The following STIM2 variants were observed in gnomAD, a reference collection of about 807,000 sequenced individuals.
STIM2 encodes the protein stromal interaction molecule 2.
Under a neutral mutation model 85.8 loss-of-function variants are expected in STIM2, and 31 were observed. The observed-to-expected ratio is 0.36, with a 90% CI of 0.27 to 0.49. STIM2 has a LOEUF of 0.49. Among genes scored for constraint, STIM2 ranks in the 20% least tolerant of loss-of-function variants. STIM2 has a pLI of 0.98. For synonymous variants in STIM2, 356 were observed against 331.1 expected (o/e 1.08, Z -0.82); for missense variants, 841 against 927.6 (o/e 0.91, Z 1.21).
At chr4:26,976,033 C>T (rs532011134) in intron 3 of STIM2, among the ~76,000 whole-genome samples, 209 of 152,322 alleles carry the variant, frequency 1.4e-3, no homozygotes, top group African/African-American at 4.7e-3. Context: ...AGCAAGGCTT[C>T]GTGGGTGTGG....
At chr4:26,976,627 A>G (rs1269465447) in intron 3 of STIM2, among the ~76,000 whole-genome samples, 2 of 151,848 alleles carry the variant, frequency 1.3e-5, no homozygotes, top group East Asian at 3.9e-4. Flanking sequence ...GGCCAACATG[A>G]TGAAACCCTG....
rs538668970 is a variant in STIM2, at chr4:26,907,450, T to C, written c.152-12054T>C. On this transcript the variant is annotated intron_variant, in intron 1 of 11. Transcript: ENST00000467087. ...TTTTACGTGAAGGCTTTTTGCAGGC[T>C]GTTAACAAGTACTGAAGTCTCCATT... Among the ~76,000 whole-genome samples the C allele has an allele frequency of 1.9e-4, 29 of 152,334 alleles. No individual in the cohort carries two copies. In the South Asian group the frequency reaches 4.8e-3, roughly 25 times the overall value.
chr4:26,906,586 G>A (rs1724134391), intron 1 of STIM2, among the ~76,000 whole-genome samples: 1 of 151,792 alleles, frequency 6.6e-6, no homozygotes, highest in African/African-American at 2.4e-5. Flanking sequence ...AATATAAAAT[G>A]TTAGTAAATT....
intron 11 of STIM2, among the ~76,000 whole-genome samples, chr4:27,022,228 G>A (rs1728938197): frequency 1.3e-5 from 2 of 152,056 alleles, no homozygotes; most frequent in African/African-American, 2.4e-5. Context: ...TGAATCACCC[G>A]TAAAATTTAA....
chr4:26,951,711 TGAAATG>T lies in STIM2; in HGVS notation c.283-5900_283-5895del, dbSNP rs1211540674. ...GGAGATTTTTTTCATTTGTTAAATC[TGAAATG>T]CTTACCTCTACTTAAAGTGAATATT... On this transcript the variant is annotated intron_variant, in intron 2 of 11. Transcript: ENST00000467087. Among the ~76,000 whole-genome samples the T allele has an allele frequency of 5.6e-4, 86 of 152,274 alleles. 1 individual carries two copies. The highest frequency in any genetic ancestry group is 4.4e-5 in the Non-Finnish European group (3 of 68,010).
intron 1 of STIM2, among the ~76,000 whole-genome samples, chr4:26,890,308 A>G (rs1401274173): frequency 6.6e-6 from 1 of 152,122 alleles, no homozygotes. Context: ...CATTTGTACA[A>G]CTTCTTCATA....
intron 4 of STIM2, among the ~76,000 whole-genome samples, chr4:26,998,341 T>C (rs1728031469): frequency 1.3e-5 from 2 of 152,180 alleles, no homozygotes; most frequent in Admixed American, 1.3e-4. Context: ...TAGTACTTAT[T>C]ATTATATAAA....
At chr4:26,906,077 T>C (rs114744034) in intron 1 of STIM2, among the ~76,000 whole-genome samples, 1,701 of 152,272 alleles carry the variant, frequency 0.011, 18 homozygotes, top group Non-Finnish European at 0.015. Flanking sequence ...ATTAAGATAT[T>C]ATAGAATACT....
At chr4:26,947,143 A>G (rs1725863815) in intron 2 of STIM2, among the ~76,000 whole-genome samples, 1 of 152,124 alleles carries the variant, frequency 6.6e-6, no homozygotes, top group African/African-American at 2.4e-5. Flanking sequence ...ACATGGCTGC[A>G]GTAGCTCCAA....
intron 1 of STIM2, among the ~76,000 whole-genome samples, chr4:26,900,684 A>G (rs996241875): frequency 3.9e-5 from 6 of 152,206 alleles, no homozygotes; most frequent in Non-Finnish European, 5.9e-5. Context: ...CTTGGAATCC[A>G]GTTTTTCTAC....
intron 3 of STIM2, among the ~76,000 whole-genome samples, chr4:26,972,666 A>G (rs1202775099): frequency 6.6e-6 from 1 of 152,092 alleles, no homozygotes; most frequent in South Asian, 2.1e-4. Flanking sequence ...GGATTTTTAC[A>G]TCGTTGTTGA....
intron 1 of STIM2, chr4:26,861,587 T>A: frequency 1.8e-6 from 1 of 557,908 alleles, no homozygotes; most frequent in Non-Finnish European, 2.6e-6. Context: ...TCGACGGCAC[T>A]GATTCCCCTC....
rs552248540 is a variant in STIM2 at position 27,004,521 on chromosome 4, C to T, written c.981+1417C>T. On this transcript the variant is annotated intron_variant, in intron 7 of 11. Transcript: ENST00000467087. ...TCTAAACTTTGTATATAAAAAAGAG[C>T]GAATCAGAAAACAGTAGTTTGGAAT... 1.3e-3 allele frequency among the ~76,000 whole-genome samples: 205 copies of T among 151,900 alleles called. 1 individual carries two copies. Among genetic ancestry groups the T allele is most frequent in the African/African-American group, 4.6e-3 (192 of 41,412 alleles).
chr4:26,993,119 G>A (rs763924573), intron 3 of STIM2, among the ~76,000 whole-genome samples: 1 of 152,130 alleles, frequency 6.6e-6, no homozygotes, highest in Non-Finnish European at 1.5e-5. Context: ...TTGTGTGGGC[G>A]TGTGAGGTAC....
chr4:26,899,283 A>C (rs553014182), intron 1 of STIM2, among the ~76,000 whole-genome samples: 1 of 152,038 alleles, frequency 6.6e-6, no homozygotes, highest in Non-Finnish European at 1.5e-5. Context: ...AATGATCTCA[A>C]CTGTCATGAT....
intron 1 of STIM2, among the ~76,000 whole-genome samples, chr4:26,865,177 CTT>C (rs1327053315): frequency 2.0e-5 from 3 of 152,142 alleles, no homozygotes; most frequent in Non-Finnish European, 2.9e-5. Flanking sequence ...CTTCACCAGT[CTT>C]TGGTCATTGC....
At chr4:27,009,068 T>C in intron 10 of STIM2, 66 bp downstream of exon 10, 4 of 1,399,830 alleles carry the variant, frequency 2.9e-6, no homozygotes, top group Non-Finnish European at 4.0e-6. Context: ...TATGTCCTTT[T>C]AGGAATCATG....
chr4:26,871,598 G>A (rs1722613972), intron 1 of STIM2, among the ~76,000 whole-genome samples: 1 of 151,422 alleles, frequency 6.6e-6, no homozygotes, highest in Non-Finnish European at 1.5e-5. Context: ...CGTAATTTCT[G>A]TTTGTGCTTT....
chr4:26,978,182 G>C (rs1727263425), intron 3 of STIM2, among the ~76,000 whole-genome samples: 1 of 151,124 alleles, frequency 6.6e-6, no homozygotes, highest in South Asian at 2.1e-4. Flanking sequence ...TACATGAAGG[G>C]AGATAATGTT....
Sources: allele counts gnomAD v4.1 joint callset (sites outside exome capture counted in the v4.1 genomes callset), GRCh38; gene constraint gnomAD v4.1.1; transcripts MANE v1.5; gene names NCBI Gene and HGNC (gene_info 2026-07-23, HGNC 2026-07-21).